WDPCP: variants seen among roughly 807,000 people sequenced by gnomAD.
WDPCP encodes the protein WD repeat-containing and planar cell polarity effector protein fritz homolog.
Under a neutral mutation model 93.1 loss-of-function variants are expected in WDPCP, and 71 were observed. That is an observed-to-expected ratio of 0.76 (90% CI 0.63 to 0.93). WDPCP has a LOEUF of 0.93. Among genes scored for constraint, WDPCP ranks in the 40% least tolerant of loss-of-function variants. The pLI, the probability that WDPCP is intolerant of heterozygous loss-of-function variation, is 0.00. For synonymous variants in WDPCP, 315 were observed against 315.0 expected (o/e 1.00, Z 0.00); for missense variants, 844 against 887.4 (o/e 0.95, Z 0.62).
At chr2:63,475,820 A>T (rs67257875) in intron 6 of WDPCP, among the ~76,000 whole-genome samples, 3 of 152,026 alleles carry the variant, frequency 2.0e-5, no homozygotes, top group East Asian at 1.9e-4. Context: ...CCTCCAAATG[A>T]GAAGATCCTT....
chr2:63,494,574 T>C (rs1701102525), intron 1 of WDPCP, among the ~76,000 whole-genome samples: 2 of 152,114 alleles, frequency 1.3e-5, no homozygotes, highest in South Asian at 2.1e-4. Flanking sequence ...CTCTACCGTA[T>C]TGGGGTAGGC....
At chr2:63,547,073 T>C (rs931904793) in intron 1 of WDPCP, among the ~76,000 whole-genome samples, 3 of 151,960 alleles carry the variant, frequency 2.0e-5, no homozygotes, top group African/African-American at 7.2e-5. Flanking sequence ...TAACAAATAA[T>C]TCTATTAAAA....
chr2:63,213,310 T>G (rs1274835445), intron 14 of WDPCP, among the ~76,000 whole-genome samples: 1 of 152,146 alleles, frequency 6.6e-6, no homozygotes, highest in African/African-American at 2.4e-5. Flanking sequence ...GAACTCAGGA[T>G]TAAGAAACTC....
chr2:63,759,415 G>A (rs1670019348), intron 2 of WDPCP, among the ~76,000 whole-genome samples: 1 of 152,120 alleles, frequency 6.6e-6, no homozygotes, highest in Admixed American at 6.5e-5. Context: ...ATCCTTCCCT[G>A]GGAAAGGGGA....
intron 14 of WDPCP, among the ~76,000 whole-genome samples, chr2:63,217,938 A>G (rs780696933): frequency 6.6e-5 from 10 of 152,192 alleles, no homozygotes; most frequent in Non-Finnish European, 1.5e-4. Flanking sequence ...AGATTAGGCT[A>G]TTTAAGGTTG....
intron 2 of WDPCP, among the ~76,000 whole-genome samples, chr2:63,686,306 T>G (rs1348732489): frequency 6.6e-6 from 1 of 151,920 alleles, no homozygotes; most frequent in East Asian, 1.9e-4. Flanking sequence ...CAATAGCAAA[T>G]AATCTGAAAA....
At chr2:63,367,563 T>C (rs914328972) in intron 12 of WDPCP, among the ~76,000 whole-genome samples, 1 of 152,156 alleles carries the variant, frequency 6.6e-6, no homozygotes, top group African/African-American at 2.4e-5. Flanking sequence ...AAATTGTTCA[T>C]GTCTATATAT....
At chr2:63,229,967 G>A (rs1449245812) in intron 14 of WDPCP, 1 of 152,280 alleles carries the variant, frequency 6.6e-6, no homozygotes, top group Non-Finnish European at 1.5e-5. Context: ...TTAAGTTCTA[G>A]GGTACGTGTG....
At chr2:63,484,546 C>T in intron 6 of WDPCP, 58 bp downstream of exon 6, 1 of 1,594,534 alleles carries the variant, frequency 6.3e-7, no homozygotes, top group Admixed American at 1.7e-5. Flanking sequence ...ATACCAATTA[C>T]TACATAGTTT....
chr2:63,622,514 C>T (rs954697807), intron 3 of WDPCP: 7 of 1,613,898 alleles, frequency 4.3e-6, no homozygotes, highest in Middle Eastern at 3.3e-4. Context: ...CCTCCACCAC[C>T]ATCAGCCGGG....
intron 3 of WDPCP, among the ~76,000 whole-genome samples, chr2:63,615,893 G>T (rs1709667053): frequency 6.6e-6 from 1 of 152,186 alleles, no homozygotes; most frequent in African/African-American, 2.4e-5. Flanking sequence ...TCACCATAGA[G>T]CTAAATTCAT....
At chr2:63,534,942 G>A (rs993578817) in intron 1 of WDPCP, among the ~76,000 whole-genome samples, 4 of 152,166 alleles carry the variant, frequency 2.6e-5, no homozygotes, top group South Asian at 2.1e-4. Context: ...CAGATGACAC[G>A]ATTGTATATT....
At chr2:63,614,355 A>C (rs987388565) in intron 3 of WDPCP, among the ~76,000 whole-genome samples, 4 of 152,108 alleles carry the variant, frequency 2.6e-5, no homozygotes, top group African/African-American at 9.7e-5. Flanking sequence ...GCAAACCTTC[A>C]GAAGGCAAAT....
At chr2:63,162,345 C>T (rs1026632468) in intron 15 of WDPCP, among the ~76,000 whole-genome samples, 2 of 151,852 alleles carry the variant, frequency 1.3e-5, no homozygotes, top group African/African-American at 4.8e-5. Context: ...TTTAATTGGT[C>T]TAAGTTCCTT....
At chr2:63,289,408 A>G (rs1204968418) in intron 13 of WDPCP, among the ~76,000 whole-genome samples, 1 of 152,058 alleles carries the variant, frequency 6.6e-6, no homozygotes, top group Non-Finnish European at 1.5e-5. Flanking sequence ...TCAATTCAAA[A>G]TATTTCTCAT....
intron 1 of WDPCP, among the ~76,000 whole-genome samples, chr2:63,549,457 T>C (rs918041603): frequency 6.6e-6 from 1 of 152,088 alleles, no homozygotes; most frequent in Non-Finnish European, 1.5e-5. Context: ...ACCAAGTCAT[T>C]AGCATAAAAG....
chr2:63,142,487 T>A (rs1671141191), intron 17 of WDPCP, among the ~76,000 whole-genome samples: 1 of 152,236 alleles, frequency 6.6e-6, no homozygotes, highest in Non-Finnish European at 1.5e-5. Context: ...TATTCCACTG[T>A]GATCTGAGAG....
chr2:63,206,186 A>G (rs1676322204), intron 14 of WDPCP, among the ~76,000 whole-genome samples: 1 of 152,150 alleles, frequency 6.6e-6, no homozygotes, highest in Non-Finnish European at 1.5e-5. Context: ...CTGGGTCATG[A>G]TGAACGCTCT....
intron 12 of WDPCP, among the ~76,000 whole-genome samples, chr2:63,338,569 AATATAT>A (rs1159039677): frequency 0.075 from 1,029 of 13,810 alleles, 21 homozygotes; most frequent in Admixed American, 0.078. Flanking sequence ...AAAAAAAAAA[AATATAT>A]ATATATATAT....
Sources: allele counts gnomAD v4.1 joint callset (sites outside exome capture counted in the v4.1 genomes callset), GRCh38; gene constraint gnomAD v4.1.1; transcripts MANE v1.5; gene names NCBI Gene and HGNC (gene_info 2026-07-23, HGNC 2026-07-21).